TTC28: variants seen among roughly 807,000 people sequenced by gnomAD.
TTC28 encodes the protein tetratricopeptide repeat protein 28.
TTC28 carries 61 observed loss-of-function variants against 198.0 expected under a neutral mutation model. The ratio of observed to expected loss-of-function variants is 0.31; its 90% confidence interval spans 0.25 to 0.38. TTC28 has a LOEUF of 0.38. TTC28 is among the 10% of genes least tolerant of loss of function. The probability of loss-of-function intolerance (pLI) is 1.00; values close to 1 mark genes in which losing one functional copy is unlikely to be tolerated. For missense variants in TTC28, 2,678 were observed against 3,164.0 expected, an observed-to-expected ratio of 0.85 and a Z score of 3.69; for synonymous variants, 1,171 against 1,297.8, an observed-to-expected ratio of 0.90 and a Z score of 2.10.
chr22:28,403,730 C>T (rs530557591), intron 2 of TTC28, among the ~76,000 whole-genome samples: 3 of 152,266 alleles, frequency 2.0e-5, no homozygotes, highest in East Asian at 1.9e-4. Flanking sequence ...GTCTGCTTCA[C>T]GTATAACAAG....
At chr22:28,208,063 T>C (rs528805849) in intron 5 of TTC28, among the ~76,000 whole-genome samples, 6 of 152,192 alleles carry the variant, frequency 3.9e-5, no homozygotes, top group Non-Finnish European at 7.4e-5. Flanking sequence ...CCAGAACCTA[T>C]AGTAGGTATA....
chr22:28,609,557 T>G (rs1335134403), intron 2 of TTC28, among the ~76,000 whole-genome samples: 2 of 152,228 alleles, frequency 1.3e-5, no homozygotes. Flanking sequence ...TACTGCACTT[T>G]CCTCATGGTC....
chr22:28,633,996 T>C (rs1043484078), intron 1 of TTC28, among the ~76,000 whole-genome samples: 1 of 152,070 alleles, frequency 6.6e-6, no homozygotes, highest in Non-Finnish European at 1.5e-5. Flanking sequence ...GAAAATACCA[T>C]GGATGAGTCA....
intron 5 of TTC28, among the ~76,000 whole-genome samples, chr22:28,238,131 G>A (rs1929384947): frequency 6.6e-6 from 1 of 152,126 alleles, no homozygotes; most frequent in African/African-American, 2.4e-5. Context: ...CTTTGGGTAT[G>A]TAAATTTCAT....
At chr22:27,985,543 C>T (rs1937181188) in intron 21 of TTC28, 187 bp from the exon 22 acceptor site, 4 of 493,370 alleles carry the variant, frequency 8.1e-6, no homozygotes, top group Non-Finnish European at 1.5e-5. Context: ...CGGGCTGCCC[C>T]ACCCAGAACA....
intron 6 of TTC28, among the ~76,000 whole-genome samples, chr22:28,134,083 G>A (rs1234585590): frequency 6.6e-6 from 1 of 152,208 alleles, no homozygotes; most frequent in Non-Finnish European, 1.5e-5. Flanking sequence ...CTCCGCTGCT[G>A]ATATCCAGGC....
intron 5 of TTC28, among the ~76,000 whole-genome samples, chr22:28,279,872 A>G (rs2044550956): frequency 6.6e-6 from 1 of 152,186 alleles, no homozygotes; most frequent in South Asian, 2.1e-4. Context: ...TTATTAATGG[A>G]ATTATAAAGT....
chr22:28,374,421 C>G (rs973728287), intron 2 of TTC28, among the ~76,000 whole-genome samples: 1 of 152,030 alleles, frequency 6.6e-6, no homozygotes, highest in Admixed American at 6.5e-5. Flanking sequence ...TTATCCTTGC[C>G]TTGAAAAAAT....
intron 2 of TTC28, among the ~76,000 whole-genome samples, chr22:28,337,381 G>T (rs866228626): frequency 9.9e-5 from 15 of 152,068 alleles, no homozygotes; most frequent in Non-Finnish European, 2.2e-4. Context: ...CTGAGTTCAA[G>T]TCCTGGATAT....
intron 5 of TTC28, among the ~76,000 whole-genome samples, chr22:28,241,430 A>G (rs1045772454): frequency 1.3e-5 from 2 of 152,194 alleles, no homozygotes; most frequent in African/African-American, 4.8e-5. Context: ...ATAGCAGATC[A>G]AACATTACTG....
chr22:28,092,777 T>C (rs576341633), intron 12 of TTC28, among the ~76,000 whole-genome samples: 2 of 152,314 alleles, frequency 1.3e-5, no homozygotes, highest in Admixed American at 6.5e-5. Context: ...TACCACCCTG[T>C]CAACCCCTGT....
intron 12 of TTC28, among the ~76,000 whole-genome samples, chr22:28,070,254 T>C (rs1258988453): frequency 6.6e-6 from 1 of 152,180 alleles, no homozygotes; most frequent in African/African-American, 2.4e-5. Context: ...CTGCCCTCAA[T>C]GGGCCTCCAG....
intron 2 of TTC28, among the ~76,000 whole-genome samples, chr22:28,346,460 A>AC: frequency 6.6e-6 from 1 of 152,316 alleles, no homozygotes; most frequent in East Asian, 1.9e-4. Flanking sequence ...AAGACAGGTG[A>AC]CACCAGCTCC....
At chr22:28,618,428 T>G (rs1332748934) in intron 2 of TTC28, among the ~76,000 whole-genome samples, 1 of 152,046 alleles carries the variant, frequency 6.6e-6, no homozygotes, top group Non-Finnish European at 1.5e-5. Flanking sequence ...ACGCCTGTAA[T>G]CCAAGCACTT....
chr22:28,621,296 C>A (rs2050990527), intron 2 of TTC28, among the ~76,000 whole-genome samples: 1 of 152,008 alleles, frequency 6.6e-6, no homozygotes, highest in Non-Finnish European at 1.5e-5. Context: ...TGAACAAGAA[C>A]AATGTTACAA....
At chr22:28,543,831 A>G (rs570449304) in intron 2 of TTC28, among the ~76,000 whole-genome samples, 7 of 152,348 alleles carry the variant, frequency 4.6e-5, no homozygotes, top group Non-Finnish European at 8.8e-5. Flanking sequence ...AACACAGATG[A>G]AAAAATTCTA....
rs140928411 is a variant in TTC28 at position 28,581,800 on chromosome 22, T to C, written c.381+47752A>G. On this transcript the variant is annotated intron_variant, in intron 2 of 22. Coordinates refer to ENST00000397906, the MANE Select transcript of TTC28 (RefSeq NM_001145418.2). ...TCCTTTTGTAATATGGCTTTTTTCA[T>C]ATGTATCTATGTTACTTGGCATAAT... Among the ~76,000 whole-genome samples, 518 of 152,360 alleles carry C rather than the reference T, an allele frequency of 3.4e-3. 2 individuals carry two copies. The highest frequency in any genetic ancestry group is 0.01 in the East Asian group (52 of 5,188).
At chr22:28,439,690 G>C (rs184744046) in intron 2 of TTC28, among the ~76,000 whole-genome samples, 5 of 152,224 alleles carry the variant, frequency 3.3e-5, no homozygotes, top group Non-Finnish European at 7.4e-5. Context: ...AAGATGACTA[G>C]CATAGAACAA....
chr22:28,186,384 T>C (rs2147115918), intron 5 of TTC28, among the ~76,000 whole-genome samples: 1 of 152,302 alleles, frequency 6.6e-6, no homozygotes, highest in South Asian at 2.1e-4. Context: ...CTGGTTAATG[T>C]GTCTGGCTTC....
Sources: allele counts gnomAD v4.1 joint callset (sites outside exome capture counted in the v4.1 genomes callset), GRCh38; gene constraint gnomAD v4.1.1; transcripts MANE v1.5; gene names NCBI Gene and HGNC (gene_info 2026-07-23, HGNC 2026-07-21).